RAPGEF4: variants seen among roughly 807,000 people sequenced by gnomAD.
RAPGEF4 encodes the protein RAP guanine-nucleotide-exchange factor (GEF) 4.
RAPGEF4 carries 66 observed loss-of-function variants against 147.9 expected under a neutral mutation model. The observed-to-expected ratio is 0.45, with a 90% CI of 0.37 to 0.55. The LOEUF is 0.55. Ranked by LOEUF, RAPGEF4 falls within the 20% of genes least tolerant of loss-of-function variation. RAPGEF4 has a pLI of 0.00. For missense variants in RAPGEF4, 1,071 were observed against 1,257.3 expected, an observed-to-expected ratio of 0.85 and a Z score of 2.24; for synonymous variants, 419 against 442.7, an observed-to-expected ratio of 0.95 and a Z score of 0.67.
At chr2:172,963,216 A>G (rs1575386625) in intron 8 of RAPGEF4, among the ~76,000 whole-genome samples, 1 of 152,336 alleles carries the variant, frequency 6.6e-6, no homozygotes, top group East Asian at 1.9e-4. Context: ...CCCCTGAAAC[A>G]TGGAAATTAC....
chr2:172,978,808 A>C (rs940105679), intron 10 of RAPGEF4, among the ~76,000 whole-genome samples: 1 of 152,154 alleles, frequency 6.6e-6, no homozygotes, highest in Non-Finnish European at 1.5e-5. Context: ...TGGTCTGCTG[A>C]TAGTTCATCG....
At chr2:172,923,127 G>A (rs1684932357) in intron 6 of RAPGEF4, among the ~76,000 whole-genome samples, 1 of 152,188 alleles carries the variant, frequency 6.6e-6, no homozygotes, top group African/African-American at 2.4e-5. Flanking sequence ...ATTCAATTTA[G>A]ATTATTTCCA....
intron 4 of RAPGEF4, among the ~76,000 whole-genome samples, chr2:172,828,444 G>A (rs1574967959): frequency 6.6e-6 from 1 of 152,174 alleles, no homozygotes; most frequent in South Asian, 2.1e-4. Context: ...GGAAGGAGAA[G>A]CCCTTTGGAG....
chr2:172,953,426 A>G (rs886198975), intron 6 of RAPGEF4, among the ~76,000 whole-genome samples: 3 of 149,212 alleles, frequency 2.0e-5, no homozygotes, highest in African/African-American at 7.3e-5. Flanking sequence ...ATATATTTAT[A>G]TATGTAATAT....
chr2:172,929,054 C>T (rs1685658845), intron 6 of RAPGEF4, among the ~76,000 whole-genome samples: 1 of 152,166 alleles, frequency 6.6e-6, no homozygotes, highest in South Asian at 2.1e-4. Flanking sequence ...ATCGTCATCA[C>T]CAGTTACTTT....
At chr2:172,975,227 A>G (rs981389812) in intron 10 of RAPGEF4, among the ~76,000 whole-genome samples, 1 of 152,214 alleles carries the variant, frequency 6.6e-6, no homozygotes, top group Non-Finnish European at 1.5e-5. Context: ...GATCACATAA[A>G]AAACACTGAA....
chr2:172,949,906 C>T lies in RAPGEF4; in HGVS notation c.538-10854C>T, dbSNP rs143205679. On this transcript the variant is annotated intron_variant, in intron 6 of 30. Coordinates refer to ENST00000397081, the MANE Select transcript of RAPGEF4 (RefSeq NM_007023.4). ...TGACATAGTTTTAAGGATGTATCTA[C>T]TGTATGCCCAATGGGCTTGAGAAAA... 2.0e-5 allele frequency among the ~76,000 whole-genome samples: 3 copies of T among 152,296 alleles called. No individual in the cohort carries two copies. The East Asian group carries it at 5.8e-4, about 29-fold the overall frequency.
chr2:172,767,119 TG>T (rs1696921040), intron 1 of RAPGEF4, among the ~76,000 whole-genome samples: 1 of 152,176 alleles, frequency 6.6e-6, no homozygotes, highest in Non-Finnish European at 1.5e-5. Flanking sequence ...CAATAAGGTT[TG>T]GGTTGTGAAG....
chr2:172,764,095 TAAA>T (rs904385991), intron 1 of RAPGEF4, among the ~76,000 whole-genome samples: 19 of 150,692 alleles, frequency 1.3e-4, no homozygotes, highest in African/African-American at 4.6e-4. Flanking sequence ...TCTACAAAAA[TAAA>T]AAAAAATTAG....
chr2:172,979,353 C>T (rs747970298), intron 10 of RAPGEF4, among the ~76,000 whole-genome samples: 1 of 152,184 alleles, frequency 6.6e-6, no homozygotes, highest in South Asian at 2.1e-4. Context: ...CATGAGAACT[C>T]GTGTGTTCAC....
At chr2:173,030,321 G>T in intron 26 of RAPGEF4, 67 bp downstream of exon 26, 1 of 1,252,522 alleles carries the variant, frequency 8.0e-7, no homozygotes, top group Admixed American at 1.7e-5. Flanking sequence ...TCACCAGTGA[G>T]CTTTTTAATA....
At chr2:172,848,648 A>G (rs989602127) in intron 4 of RAPGEF4, among the ~76,000 whole-genome samples, 23 of 152,220 alleles carry the variant, frequency 1.5e-4, no homozygotes, top group Non-Finnish European at 2.8e-4. Context: ...TTATCATCTT[A>G]CAGAGTTTTC....
intron 29 of RAPGEF4, 39 bp downstream of exon 29, chr2:173,036,731 T>C: frequency 6.9e-7 from 1 of 1,454,424 alleles, no homozygotes; most frequent in South Asian, 1.3e-5. Context: ...AATGTGTTTT[T>C]AAAATAAAAT....
Position 173,027,089 on chromosome 2 carries a change from A to G in RAPGEF4, c.2388A>G (p.Leu796=), listed in dbSNP as rs747288165. 1.7e-5 allele frequency: 27 copies of G among 1,590,998 alleles called. No individual in the cohort carries two copies. In the East Asian group the frequency reaches 2.7e-4, roughly 16 times the overall value. The stretch of plus-strand genomic sequence containing the variant: ...TTTCCTTTATTTTCTAGCTGGAGCT[A>G]ATCTATCACACATTTGGAAGGCATA... ...ELFNCVHELE[L]IYHTFGRHNF... The change falls in exon 25 of 31, where the codon CTA becomes CTG. Residue 796 remains leucine, a synonymous_variant. Coordinates refer to ENST00000397081, the MANE Select transcript of RAPGEF4 (RefSeq NM_007023.4).
intron 10 of RAPGEF4, among the ~76,000 whole-genome samples, chr2:172,967,825 C>G (rs978995385): frequency 4.6e-5 from 7 of 152,258 alleles, no homozygotes; most frequent in Non-Finnish European, 1.0e-4. Flanking sequence ...CCATAGCCTT[C>G]ATGCCTAGGC....
chr2:172,995,097 T>A (rs962184229), intron 15 of RAPGEF4, among the ~76,000 whole-genome samples: 1 of 125,164 alleles, frequency 8.0e-6, no homozygotes. Context: ...TGGGTTAAGA[T>A]CCTGAGATTT....
At chr2:172,911,810 C>T (rs1436679325) in intron 4 of RAPGEF4, among the ~76,000 whole-genome samples, 3 of 125,680 alleles carry the variant, frequency 2.4e-5, no homozygotes, top group African/African-American at 6.0e-5. Flanking sequence ...TTTGCTCTGT[C>T]ACTCAGGCTA....
intron 3 of RAPGEF4, among the ~76,000 whole-genome samples, chr2:172,797,829 A>G (rs1430439285): frequency 6.6e-6 from 1 of 152,198 alleles, no homozygotes; most frequent in African/African-American, 2.4e-5. Flanking sequence ...GTGTCAAAAC[A>G]TGAAATGCAA....
chr2:172,917,529 C>A, intron 4 of RAPGEF4: 1 of 654,404 alleles, frequency 1.5e-6, no homozygotes, highest in South Asian at 1.5e-5. Context: ...TGCTAAATAT[C>A]CCACACAATT....
Sources: gnomAD v4.1 joint callset for allele counts (sites outside exome capture counted in the v4.1 genomes callset) on GRCh38, gnomAD v4.1.1 for gene constraint, MANE v1.5 for transcripts, NCBI Gene and HGNC (gene_info 2026-07-23, HGNC 2026-07-21) for gene names.